Variants in GABRR3 observed in about 807,000 individuals in gnomAD.
The protein encoded by GABRR3 is gamma-aminobutyric acid type A receptor subunit rho3.
Under a neutral mutation model 43.2 loss-of-function variants are expected in GABRR3, and 29 were observed. That is an observed-to-expected ratio of 0.67 (90% CI 0.50 to 0.92). GABRR3 has a LOEUF of 0.92. Among genes scored for constraint, GABRR3 ranks in the 40% least tolerant of loss-of-function variants. The probability of loss-of-function intolerance (pLI) is 0.00; values close to 1 mark genes in which losing one functional copy is unlikely to be tolerated. For missense variants in GABRR3, 576 were observed against 572.3 expected (o/e 1.01, Z -0.07); for synonymous variants, 206 against 195.9 (o/e 1.05, Z -0.43).
intron 2 of GABRR3, among the ~76,000 whole-genome samples, chr3:98,034,158 T>C (rs532335162): frequency 8.1e-4 from 123 of 152,236 alleles, no homozygotes; most frequent in African/African-American, 2.8e-3. Flanking sequence ...TATTTGATTA[T>C]TAAAGGTATA....
intron 3 of GABRR3, 85 bp from the exon 4 acceptor site, chr3:98,017,807 G>A: frequency 3.5e-5 from 32 of 911,410 alleles, no homozygotes; most frequent in Middle Eastern, 2.2e-4. Context: ...TAATTCTCTT[G>A]GACAGCAACT....
intron 2 of GABRR3, among the ~76,000 whole-genome samples, chr3:98,032,297 A>T (rs1006272389): frequency 2.0e-5 from 3 of 152,162 alleles, no homozygotes; most frequent in Non-Finnish European, 4.4e-5. Flanking sequence ...TTATTTTTTA[A>T]TAATGTGTGC....
At chr3:98,001,890 T>C in intron 7 of GABRR3, 123 bp from the exon 8 acceptor site, 1 of 966,316 alleles carries the variant, frequency 1.0e-6, no homozygotes, top group Non-Finnish European at 1.6e-6. Flanking sequence ...CAAACTCATC[T>C]CCATTTAGTT....
At chr3:98,027,476 ATG>A (rs761112974) in intron 2 of GABRR3, among the ~76,000 whole-genome samples, 2 of 152,246 alleles carry the variant, frequency 1.3e-5, no homozygotes, top group Non-Finnish European at 2.9e-5. Context: ...CATGTCACTA[ATG>A]TGTGTGCTCA....
intron 2 of GABRR3, among the ~76,000 whole-genome samples, chr3:98,032,947 T>A (rs1707108836): frequency 6.6e-6 from 1 of 152,156 alleles, no homozygotes; most frequent in Non-Finnish European, 1.5e-5. Context: ...CCTCACAGTA[T>A]CTATTCACAT....
At chr3:98,034,718 A>T (rs1707129847) in intron 2 of GABRR3, 145 bp downstream of exon 2, 1 of 902,220 alleles carries the variant, frequency 1.1e-6, no homozygotes, top group Non-Finnish European at 1.6e-6. Context: ...ATTTATGATG[A>T]TGCATGAATG....
At chr3:98,029,351 T>C (rs1050777200) in intron 2 of GABRR3, among the ~76,000 whole-genome samples, 3 of 152,138 alleles carry the variant, frequency 2.0e-5, no homozygotes, top group African/African-American at 7.2e-5. Context: ...TGTAATTGTG[T>C]GACAAAGAAA....
intron 2 of GABRR3, among the ~76,000 whole-genome samples, chr3:98,030,975 C>A (rs534830599): frequency 3.3e-5 from 5 of 152,128 alleles, no homozygotes; most frequent in Non-Finnish European, 7.4e-5. Context: ...CGAAGAAAAC[C>A]TTCATAATTC....
chr3:98,022,750 A>C (rs1374457409), intron 3 of GABRR3, among the ~76,000 whole-genome samples: 1 of 152,228 alleles, frequency 6.6e-6, no homozygotes, highest in Non-Finnish European at 1.5e-5. Flanking sequence ...TGATTGTCAG[A>C]AAAATTTCTT....
chr3:98,007,544 G>C (rs772590788), intron 7 of GABRR3, among the ~76,000 whole-genome samples: 1 of 152,244 alleles, frequency 6.6e-6, no homozygotes, highest in Non-Finnish European at 1.5e-5. Context: ...GACTGGAGAA[G>C]TCAAGAATGG....
At chr3:97,985,692 C>T (rs896247746), downstream of GABRR3, among the ~76,000 whole-genome samples, 4 of 152,064 alleles carry the variant, frequency 2.6e-5, no homozygotes, top group South Asian at 4.2e-4. Context: ...TAATTAAAAA[C>T]CTCTAAAAAG....
At position 98,007,203 on chromosome 3, in the gene GABRR3, C is replaced by T. The variant is rs565120375; in HGVS notation, c.754+561G>A. ...CGGGGTTGGTTTGGTTAGGAAAGCA[C>T]TGTTTGAGAAGCTATTTGAACAAAG... On this transcript the variant is annotated intron_variant, in intron 7 of 9. Transcript: ENST00000621172. 4.6e-5 allele frequency among the ~76,000 whole-genome samples: 7 copies of T among 152,136 alleles called. No homozygotes were observed. The South Asian group carries it at 6.2e-4, about 14-fold the overall frequency.
Position 97,987,397 on chromosome 3 carries a change from T to G in GABRR3, c.1105-415A>C, listed in dbSNP as rs573867394. ...ATGCTTTCTGGCTCCAGTGCCTGAT[T>G]GAATCAAAACTAAAATTTTCTTGAA... On this transcript the variant is annotated intron_variant, in intron 9 of 9. Transcript: ENST00000621172. Among the ~76,000 whole-genome samples the G allele has an allele frequency of 3.3e-5, 5 of 152,374 alleles. No homozygotes were observed. The South Asian group carries it at 1.0e-3, about 32-fold the overall frequency.
intron 8 of GABRR3, 110 bp downstream of exon 8, chr3:98,001,505 A>T: frequency 1.8e-6 from 2 of 1,135,436 alleles, no homozygotes; most frequent in Admixed American, 2.3e-5. Flanking sequence ...ATCTCTGACT[A>T]TCCCTACTAA....
intron 6 of GABRR3, 154 bp downstream of exon 6, chr3:98,008,798 CAAAA>C (rs57502092): frequency 0.011 from 1,224 of 113,854 alleles, 8 homozygotes; most frequent in Middle Eastern, 0.027. Context: ...AAACAGAAAC[CAAAA>C]AAAAAAAAAA....
At chr3:98,032,063 CATAGT>C (rs63090761) in intron 2 of GABRR3, among the ~76,000 whole-genome samples, 49,826 of 140,188 alleles carry the variant, frequency 0.36, 9,176 homozygotes, top group Admixed American at 0.42. Flanking sequence ...GTGTCTAGCA[CATAGT>C]ATAGTATAGT....
At chr3:98,014,118 A>G (rs1706845107) in intron 4 of GABRR3, among the ~76,000 whole-genome samples, 2 of 152,350 alleles carry the variant, frequency 1.3e-5, no homozygotes, top group South Asian at 4.1e-4. Context: ...AATCACTGAC[A>G]ATCAGAAAGC....
downstream of GABRR3, among the ~76,000 whole-genome samples, chr3:97,985,668 T>C (rs1400234696): frequency 1.3e-5 from 2 of 152,126 alleles, no homozygotes; most frequent in Non-Finnish European, 2.9e-5. Context: ...TAAACATTTG[T>C]TGAACAAAGT....
At chr3:98,032,063 C>CATAGTATAGTATAGTATAGTATAGT (rs63090761) in intron 2 of GABRR3, among the ~76,000 whole-genome samples, 5 of 140,342 alleles carry the variant, frequency 3.6e-5, no homozygotes, top group African/African-American at 8.1e-5. Flanking sequence ...GTGTCTAGCA[C>CATAGTATAGTATAGTATAGTATAGT]ATAGTATAGT....
Sources: allele counts gnomAD v4.1 joint callset (sites outside exome capture counted in the v4.1 genomes callset), GRCh38; gene constraint gnomAD v4.1.1; transcripts MANE v1.5; gene names NCBI Gene and HGNC (gene_info 2026-07-23, HGNC 2026-07-21).